MSRA: variants seen among roughly 807,000 people sequenced by gnomAD.
MSRA encodes methionine sulfoxide reductase A.
In MSRA, 54 loss-of-function variants were observed where a neutral mutation model predicts 31.3. That is an observed-to-expected ratio of 1.73 (90% CI 1.39 to 2.17). MSRA has a LOEUF of 2.17. MSRA is among the 30% of genes most tolerant of loss of function. The pLI is 0.00. For missense variants in MSRA, 507 were observed against 300.9 expected (o/e 1.69, Z -5.07); for synonymous variants, 169 against 116.5 (o/e 1.45, Z -2.90).
intron 5 of MSRA, among the ~76,000 whole-genome samples, chr8:10,346,740 G>C (rs949690534): frequency 6.6e-6 from 1 of 152,204 alleles, no homozygotes; most frequent in African/African-American, 2.4e-5. Flanking sequence ...TCTTGGGTTA[G>C]TCCTAGAATT....
intron 1 of MSRA, among the ~76,000 whole-genome samples, chr8:10,062,044 G>T (rs1585066822): frequency 1.3e-5 from 2 of 152,218 alleles, no homozygotes; most frequent in African/African-American, 2.4e-5. Flanking sequence ...AGGAGTGGGA[G>T]CCTGGCTGGG....
At chr8:10,381,752 A>G (rs1263103352) in intron 5 of MSRA, among the ~76,000 whole-genome samples, 1 of 152,214 alleles carries the variant, frequency 6.6e-6, no homozygotes, top group South Asian at 2.1e-4. Flanking sequence ...AAGCAGAATC[A>G]GGGCAGACCC....
intron 1 of MSRA, among the ~76,000 whole-genome samples, chr8:10,061,385 C>A (rs915498748): frequency 6.6e-6 from 1 of 152,116 alleles, no homozygotes; most frequent in Admixed American, 6.5e-5. Flanking sequence ...TGCTCTAATT[C>A]CCCTTCTCCC....
At chr8:10,179,051 C>G (rs1585103983) in intron 1 of MSRA, among the ~76,000 whole-genome samples, 1 of 152,166 alleles carries the variant, frequency 6.6e-6, no homozygotes. Context: ...TTAAAACTCC[C>G]TATTTCTCAC....
chr8:10,177,457 A>C (rs1019065232), intron 1 of MSRA, among the ~76,000 whole-genome samples: 1 of 152,002 alleles, frequency 6.6e-6, no homozygotes, highest in Non-Finnish European at 1.5e-5. Flanking sequence ...TTGTTGATAC[A>C]TTTTCTTTGA....
At chr8:10,195,529 C>G (rs1363820604) in intron 1 of MSRA, among the ~76,000 whole-genome samples, 1 of 152,170 alleles carries the variant, frequency 6.6e-6, no homozygotes, top group Non-Finnish European at 1.5e-5. Flanking sequence ...GTGTGAGCCA[C>G]CGTGCCTGGC....
intron 3 of MSRA, among the ~76,000 whole-genome samples, chr8:10,270,094 T>C (rs1798951070): frequency 6.6e-6 from 1 of 152,254 alleles, no homozygotes; most frequent in Non-Finnish European, 1.5e-5. Context: ...TGCTATAGAA[T>C]GAATGTTTTC....
intron 5 of MSRA, among the ~76,000 whole-genome samples, chr8:10,416,693 C>T (rs1021539614): frequency 6.6e-6 from 1 of 152,206 alleles, no homozygotes; most frequent in Non-Finnish European, 1.5e-5. Context: ...ACCACACTTG[C>T]CTGCAAGAGC....
chr8:10,351,135 C>A (rs1001470337), intron 5 of MSRA, among the ~76,000 whole-genome samples: 2 of 152,036 alleles, frequency 1.3e-5, no homozygotes, highest in Non-Finnish European at 2.9e-5. Context: ...AAGCTTGTTC[C>A]TCGGTGGTGA....
In MSRA at chr8:10,253,180, T is replaced by G. The variant is rs146193201; in HGVS notation, c.331+7957T>G. ...AAAAAGAGGCATTTAGTGCCTTTCC[T>G]TCCCCTTCAGGCCATTGGCTAAAGA... On this transcript the variant is annotated intron_variant, in intron 3 of 5. Transcript: ENST00000317173. Among the ~76,000 whole-genome samples the G allele has an allele frequency of 9.8e-5, 15 of 152,340 alleles. No individual in the cohort carries two copies. The East Asian group carries it at 2.9e-3, about 29-fold the overall frequency.
chr8:10,163,071 C>T (rs924967334), intron 1 of MSRA, among the ~76,000 whole-genome samples: 2 of 152,050 alleles, frequency 1.3e-5, no homozygotes, highest in Non-Finnish European at 2.9e-5. Context: ...TAGTGCCTGC[C>T]TGAAAGGGAC....
At position 10,140,155 on chromosome 8, in the gene MSRA, T is replaced by C. The variant is rs149914790; in HGVS notation, c.143-67678T>C. On this transcript the variant is annotated intron_variant, in intron 1 of 5. Coordinates refer to ENST00000317173, the MANE Select transcript of MSRA (RefSeq NM_012331.5). ...GTGATTAGACAAAGGAGGAGTGAGC[T>C]AATGGTGATAAACAGAGGGATACTC... Among the ~76,000 whole-genome samples, 230 of 152,298 alleles carry C rather than the reference T, an allele frequency of 1.5e-3. 2 individuals carry two copies. Among genetic ancestry groups the C allele is most frequent in the African/African-American group, 5.0e-3 (208 of 41,564 alleles).
intron 1 of MSRA, among the ~76,000 whole-genome samples, chr8:10,085,959 C>T (rs566657141): frequency 6.6e-6 from 1 of 152,098 alleles, no homozygotes; most frequent in Non-Finnish European, 1.5e-5. Flanking sequence ...GCAGATAGAC[C>T]TTGCTGCTGG....
At chr8:10,180,463 C>T (rs1008704207) in intron 1 of MSRA, among the ~76,000 whole-genome samples, 1 of 152,084 alleles carries the variant, frequency 6.6e-6, no homozygotes, top group Admixed American at 6.6e-5. Flanking sequence ...AAATCACTGG[C>T]CTCTTCCCTC....
chr8:10,110,570 T>A (rs1344996783), intron 1 of MSRA, among the ~76,000 whole-genome samples: 1 of 152,234 alleles, frequency 6.6e-6, no homozygotes, highest in Non-Finnish European at 1.5e-5. Flanking sequence ...TTTTCTGTAC[T>A]TTTTCACAGA....
intron 3 of MSRA, among the ~76,000 whole-genome samples, chr8:10,281,562 A>G (rs547689333): frequency 6.6e-6 from 1 of 152,344 alleles, no homozygotes; most frequent in Admixed American, 6.5e-5. Flanking sequence ...AAGTGCAGTG[A>G]ACATAGGAGC....
intron 5 of MSRA, among the ~76,000 whole-genome samples, chr8:10,389,785 T>G (rs1806621140): frequency 8.3e-6 from 1 of 120,152 alleles, no homozygotes; most frequent in Non-Finnish European, 1.8e-5. Flanking sequence ...CCCCAGAAAC[T>G]TACTCTTTTT....
At chr8:10,267,695 G>A (rs1469230732) in intron 3 of MSRA, among the ~76,000 whole-genome samples, 1 of 152,106 alleles carries the variant, frequency 6.6e-6, no homozygotes, top group Non-Finnish European at 1.5e-5. Flanking sequence ...CACACCTGCT[G>A]GGGGATCAGG....
chr8:10,402,649 G>C (rs184115203), intron 5 of MSRA, among the ~76,000 whole-genome samples: 3 of 152,172 alleles, frequency 2.0e-5, no homozygotes, highest in Non-Finnish European at 2.9e-5. Flanking sequence ...ATCCACAATG[G>C]AAAGAAACTG....
Sources: allele counts gnomAD v4.1 joint callset (sites outside exome capture counted in the v4.1 genomes callset), GRCh38; gene constraint gnomAD v4.1.1; transcripts MANE v1.5; gene names NCBI Gene and HGNC (gene_info 2026-07-23, HGNC 2026-07-21).